ARHGAP10: variants seen among roughly 807,000 people sequenced by gnomAD.
ARHGAP10 encodes the protein rho GTPase-activating protein 10.
ARHGAP10 carries 87 observed loss-of-function variants against 108.6 expected under a neutral mutation model. The observed-to-expected ratio is 0.80, with a 90% CI of 0.67 to 0.96. ARHGAP10 has a LOEUF of 0.96. Among genes scored for constraint, ARHGAP10 ranks in the 40% least tolerant of loss-of-function variants. The pLI is 0.00. For missense variants in ARHGAP10, 939 were observed against 954.5 expected (o/e 0.98, Z 0.21); for synonymous variants, 347 against 341.1 (o/e 1.02, Z -0.19).
chr4:147,894,220 C>T (rs1473521970), intron 10 of ARHGAP10, among the ~76,000 whole-genome samples: 1 of 152,144 alleles, frequency 6.6e-6, no homozygotes, highest in African/African-American at 2.4e-5. Flanking sequence ...TTTTACCCTC[C>T]CATCAGCAGT....
intron 20 of ARHGAP10, 107 bp downstream of exon 20, chr4:148,047,158 A>C (rs1427838441): frequency 2.9e-6 from 4 of 1,356,098 alleles, no homozygotes; most frequent in Non-Finnish European, 4.0e-6. Flanking sequence ...CATTAGATCT[A>C]GGAGCCCTTG....
intron 3 of ARHGAP10, among the ~76,000 whole-genome samples, chr4:147,836,977 C>T (rs1042003686): frequency 2.0e-5 from 3 of 152,148 alleles, no homozygotes; most frequent in African/African-American, 4.8e-5. Context: ...AATGAAAACA[C>T]GTTGGCCTCC....
chr4:147,845,664 G>A (rs1311792147), intron 3 of ARHGAP10, among the ~76,000 whole-genome samples: 2 of 152,158 alleles, frequency 1.3e-5, no homozygotes, highest in African/African-American at 4.8e-5. Flanking sequence ...GAGTGTACCA[G>A]TTTCACAGAA....
intron 22 of ARHGAP10, among the ~76,000 whole-genome samples, chr4:148,068,495 G>GA (rs1317212129): frequency 1.3e-5 from 2 of 152,132 alleles, no homozygotes; most frequent in East Asian, 1.9e-4. Flanking sequence ...GGGAATCTGA[G>GA]AAAAAAATAT....
intron 1 of ARHGAP10, among the ~76,000 whole-genome samples, chr4:147,791,456 T>C (rs1266859413): frequency 6.6e-6 from 1 of 152,074 alleles, no homozygotes; most frequent in African/African-American, 2.4e-5. Context: ...ATTTTTTCCT[T>C]TTTGCTACAT....
rs540532502 is a variant in ARHGAP10 at position 147,857,143 on chromosome 4, G to A, written c.385-410G>A. Among the ~76,000 whole-genome samples the A allele has an allele frequency of 7.2e-4, 109 of 152,300 alleles. 2 individuals carry two copies. The South Asian group carries it at 0.02, about 28-fold the overall frequency. ...CTGAGATTACAGGTGTGAGCCACTG[G>A]CCTATTATTCCATTTTAAACGAATT... is the stretch of plus-strand genomic sequence containing the variant. On this transcript the variant is annotated intron_variant, in intron 4 of 22. Coordinates refer to ENST00000336498, the MANE Select transcript of ARHGAP10 (RefSeq NM_024605.4).
chr4:147,853,854 T>A (rs539121949), intron 4 of ARHGAP10, among the ~76,000 whole-genome samples: 29 of 152,308 alleles, frequency 1.9e-4, no homozygotes, highest in African/African-American at 6.7e-4. Context: ...CATTGTTTAC[T>A]TGTGACTCTT....
At position 147,920,987 on chromosome 4, in the gene ARHGAP10, A is replaced by G. The variant is rs375294759; in HGVS notation, c.1228+7848A>G. On this transcript the variant is annotated intron_variant, in intron 13 of 22. Transcript: ENST00000336498. ...TGTAAAGGAACTGGGTGAATACTAG[A>G]AGGTGATACGTAGCAAAGAAACAGG... is the stretch of plus-strand genomic sequence containing the variant. 2.4e-4 allele frequency among the ~76,000 whole-genome samples: 36 copies of G among 152,356 alleles called. No individual in the cohort carries two copies. In the South Asian group the frequency reaches 7.2e-3, roughly 31 times the overall value.
At chr4:148,032,450 T>C (rs1235097303) in intron 19 of ARHGAP10, among the ~76,000 whole-genome samples, 2 of 151,444 alleles carry the variant, frequency 1.3e-5, no homozygotes, top group Non-Finnish European at 2.9e-5. Context: ...TGATGATCAG[T>C]TATTAGCAAG....
rs544840916 is a variant in ARHGAP10 at position 147,870,535 on chromosome 4, A to G, written c.702+3719A>G. ...AACCTATTTTTCCCCATCTGATAAT[A>G]CCTATTGTATTGTAAAAGTGGCTAG... is the stretch of plus-strand genomic sequence containing the variant. On this transcript the variant is annotated intron_variant, in intron 7 of 22. Coordinates refer to ENST00000336498, the MANE Select transcript of ARHGAP10 (RefSeq NM_024605.4). Among the ~76,000 whole-genome samples, 91 of 149,544 alleles carry G rather than the reference A, an allele frequency of 6.1e-4. 1 individual carries two copies. The highest frequency in any genetic ancestry group is 1.8e-3 in the African/African-American group (72 of 40,744).
At chr4:147,942,722 T>C (rs1295157334) in intron 14 of ARHGAP10, among the ~76,000 whole-genome samples, 2 of 152,218 alleles carry the variant, frequency 1.3e-5, no homozygotes, top group Non-Finnish European at 1.5e-5. Context: ...GAGGCAGTTA[T>C]TCTCCTCGAG....
chr4:147,867,275 T>C (rs546342850), intron 7 of ARHGAP10, among the ~76,000 whole-genome samples: 1 of 152,336 alleles, frequency 6.6e-6, no homozygotes, highest in East Asian at 1.9e-4. Context: ...ATATTTTCCT[T>C]TGGAAAATGT....
At position 147,921,703 on chromosome 4, in the gene ARHGAP10, C is replaced by CTTT. The variant is rs1369039290; in HGVS notation, c.1228+8564_1228+8565insTTT. 7.8e-4 allele frequency among the ~76,000 whole-genome samples: 119 copies of CTTT among 152,238 alleles called. 3 individuals carry two copies. In the South Asian group the frequency reaches 0.022, roughly 28 times the overall value. On this transcript the variant is annotated intron_variant, in intron 13 of 22. Transcript: ENST00000336498. ...TTTCAAATGTGTTTTAGGTGAATCC[C>CTTT]AGACAGACTCAGAAGTGTTCATGGC...
At chr4:147,967,633 T>A (rs778917457) in intron 18 of ARHGAP10, among the ~76,000 whole-genome samples, 2 of 152,230 alleles carry the variant, frequency 1.3e-5, no homozygotes, top group African/African-American at 2.4e-5. Context: ...TTTCCCAAAT[T>A]ACTGTTATTT....
At position 147,732,193 on chromosome 4, in the gene ARHGAP10, A is replaced by G; in HGVS notation, c.-109A>G. 2 of 1,147,326 alleles carry G rather than the reference A, an allele frequency of 1.7e-6. No individual in the cohort carries two copies. Among genetic ancestry groups the G allele is most frequent in the South Asian group, 2.3e-5 (1 of 44,408 alleles). 71.1% of individuals were successfully genotyped at this position (1,147,326 alleles called of 1,614,324 possible). A position where few individuals can be genotyped will look rare whatever the true frequency, so the allele number is the denominator to read the frequency against. On this transcript the variant is annotated 5_prime_UTR_variant, in exon 1 of 23. The change abolishes the stop of an existing upstream ORF in the 5' untranslated region. Transcript: ENST00000336498. ...CGCTCGCCGCGCGCCCGGGCCTGCT[A>G]GCTCCTCTGTGCTCCCTGAACGCGC...
At chr4:147,886,957 C>T (rs1188736873) in intron 10 of ARHGAP10, among the ~76,000 whole-genome samples, 2 of 151,790 alleles carry the variant, frequency 1.3e-5, no homozygotes, top group Admixed American at 6.6e-5. Context: ...TTTTAGTAGA[C>T]GGAGTTTCAG....
At chr4:147,856,140 T>A (rs571510351) in intron 4 of ARHGAP10, among the ~76,000 whole-genome samples, 1 of 152,344 alleles carries the variant, frequency 6.6e-6, no homozygotes, top group East Asian at 1.9e-4. Context: ...ATTAAAAATC[T>A]GTCAAGTTGG....
chr4:148,069,642 A>G (rs556504719), intron 22 of ARHGAP10, among the ~76,000 whole-genome samples: 130 of 152,306 alleles, frequency 8.5e-4, no homozygotes, highest in Admixed American at 2.9e-3. Flanking sequence ...AGGTGAGACT[A>G]TATTTGAGAC....
intron 1 of ARHGAP10, among the ~76,000 whole-genome samples, chr4:147,778,409 T>C (rs1730394128): frequency 6.6e-6 from 1 of 152,160 alleles, no homozygotes; most frequent in Non-Finnish European, 1.5e-5. Context: ...TGCCATGACA[T>C]GAGCCGCTTT....
Sources: gnomAD v4.1 joint callset for allele counts (sites outside exome capture counted in the v4.1 genomes callset) on GRCh38, gnomAD v4.1.1 for gene constraint, MANE v1.5 for transcripts, NCBI Gene and HGNC (gene_info 2026-07-23, HGNC 2026-07-21) for gene names.